The following DSCAML1 variants were observed in gnomAD, a reference collection of about 807,000 sequenced individuals.
DSCAML1 encodes the protein cell adhesion molecule DSCAML1.
DSCAML1 carries 38 observed loss-of-function variants against 200.5 expected under a neutral mutation model. The observed-to-expected ratio is 0.19, with a 90% CI of 0.15 to 0.25. DSCAML1 has a LOEUF of 0.25. Ranked by LOEUF, DSCAML1 falls within the 10% of genes least tolerant of loss-of-function variation. DSCAML1 has a pLI of 1.00. For synonymous variants in DSCAML1, 1,215 were observed against 1,165.0 expected (o/e 1.04, Z -0.87); for missense variants, 2,223 against 2,858.8 (o/e 0.78, Z 5.07).
intron 3 of DSCAML1, among the ~76,000 whole-genome samples, chr11:117,726,360 A>G (rs2054131149): frequency 6.6e-6 from 1 of 151,936 alleles, no homozygotes. Context: ...GGGGGAAGGG[A>G]GAGGAGGGAC....
intron 4 of DSCAML1, among the ~76,000 whole-genome samples, chr11:117,531,169 CTG>C (rs942931184): frequency 6.6e-6 from 1 of 152,184 alleles, no homozygotes; most frequent in African/African-American, 2.4e-5. Context: ...GAGCGCCTCT[CTG>C]TGACCTCAGC....
intron 3 of DSCAML1, among the ~76,000 whole-genome samples, chr11:117,626,144 C>A (rs1161904493): frequency 6.6e-6 from 1 of 151,970 alleles, no homozygotes; most frequent in Admixed American, 6.6e-5. Flanking sequence ...GAGCTCCAGG[C>A]CAGAGATTAA....
chr11:117,430,010 C>T (rs1004316521), intron 32 of DSCAML1, among the ~76,000 whole-genome samples: 6 of 152,204 alleles, frequency 3.9e-5, no homozygotes, highest in African/African-American at 1.2e-4. Flanking sequence ...ACCCAGAAAG[C>T]CCCGCCCCCT....
At chr11:117,587,124 G>GC (rs34679147) in intron 3 of DSCAML1, among the ~76,000 whole-genome samples, 41,763 of 151,876 alleles carry the variant, frequency 0.27, 6,075 homozygotes, top group South Asian at 0.46. Context: ...TATTGCTGCT[G>GC]CCCCCTCAGA....
intron 3 of DSCAML1, among the ~76,000 whole-genome samples, chr11:117,580,777 T>A (rs2137459974): frequency 6.6e-6 from 1 of 152,346 alleles, no homozygotes; most frequent in African/African-American, 2.4e-5. Context: ...CTGTGTGGAT[T>A]AATTAGTGTT....
intron 3 of DSCAML1, among the ~76,000 whole-genome samples, chr11:117,743,622 G>A (rs1012352387): frequency 9.2e-5 from 14 of 152,178 alleles, no homozygotes; most frequent in Non-Finnish European, 1.6e-4. Flanking sequence ...CAGGGCAGCA[G>A]GTCCTCCCCA....
rs1248708939 is a variant in DSCAML1, at chr11:117,520,984, G to A, written c.1213+146C>T. On this transcript the variant is annotated intron_variant, in intron 6 of 32. Transcript: ENST00000651296. ...AATATAAAAAAGGGCTTCCACACAG[G>A]GCCCTTAGGGTGAGATGGTGCACCG... 4 of 1,065,678 alleles carry A rather than the reference G, an allele frequency of 3.8e-6. No homozygotes were observed. The African/African-American group carries it at 4.7e-5, about 13-fold the overall frequency. The allele number at this position is 1,065,678 out of a possible 1,614,324, so 66.0% of individuals were successfully genotyped here.
rs777506760 is a variant in DSCAML1 at position 117,438,987 on chromosome 11, T to G, written c.4145-4A>C. ...AGGCGGGGCTGGTCCGGGGGAACTG[T>G]GAGGGGAAAGCCACCACCCCTTAGC... On this transcript the variant is annotated splice_polypyrimidine_tract_variant and splice_region_variant and intron_variant, in intron 23 of 32. Transcript: ENST00000651296. 6.3e-7 allele frequency: 1 copy of G among 1,599,734 alleles called. No homozygotes were observed. Among genetic ancestry groups the G allele is most frequent in the Non-Finnish European group, 8.5e-7 (1 of 1,174,826 alleles).
At chr11:117,686,037 G>A (rs575751959) in intron 3 of DSCAML1, among the ~76,000 whole-genome samples, 1 of 152,286 alleles carries the variant, frequency 6.6e-6, no homozygotes, top group Admixed American at 6.5e-5. Flanking sequence ...GCCAGTAAAT[G>A]TTGGGACAAG....
intron 3 of DSCAML1, among the ~76,000 whole-genome samples, chr11:117,687,544 G>A (rs2053424528): frequency 6.6e-6 from 1 of 151,528 alleles, no homozygotes; most frequent in Non-Finnish European, 1.5e-5. Context: ...GGGATTACAG[G>A]TGTGAGCCAC....
intron 3 of DSCAML1, among the ~76,000 whole-genome samples, chr11:117,716,259 T>C (rs975943930): frequency 6.6e-6 from 1 of 152,182 alleles, no homozygotes; most frequent in African/African-American, 2.4e-5. Context: ...ATGGCCGGGG[T>C]TCTGGTCCCA....
chr11:117,532,597 C>T (rs1754987498), intron 3 of DSCAML1, 75 bp from the exon 4 acceptor site: 2 of 1,427,926 alleles, frequency 1.4e-6, no homozygotes, highest in Non-Finnish European at 1.9e-6. Flanking sequence ...GCGTCTCTGA[C>T]AGATGAGGAT....
At chr11:117,542,327 C>A (rs533331) in intron 3 of DSCAML1, among the ~76,000 whole-genome samples, 39,220 of 128,206 alleles carry the variant, frequency 0.31, 5,579 homozygotes, top group East Asian at 0.42. Context: ...CAAAACAAAA[C>A]ACAAAAACAA....
At chr11:117,744,780 G>A (rs1456227166) in intron 3 of DSCAML1, among the ~76,000 whole-genome samples, 1 of 152,236 alleles carries the variant, frequency 6.6e-6, no homozygotes, top group African/African-American at 2.4e-5. Context: ...TAGACCTGGA[G>A]ACCCACGGGA....
At chr11:117,472,762 T>G (rs2048710694) in intron 14 of DSCAML1, among the ~76,000 whole-genome samples, 1 of 152,200 alleles carries the variant, frequency 6.6e-6, no homozygotes, top group Admixed American at 6.5e-5. Context: ...TAAATACCAT[T>G]CAGGTGTGAC....
At chr11:117,687,286 G>T (rs1179088907) in intron 3 of DSCAML1, among the ~76,000 whole-genome samples, 1 of 152,068 alleles carries the variant, frequency 6.6e-6, no homozygotes, top group Non-Finnish European at 1.5e-5. Flanking sequence ...TTAGAGACAA[G>T]ATCTCGCTCT....
chr11:117,457,517 C>G (rs1365991187), intron 19 of DSCAML1, among the ~76,000 whole-genome samples: 1 of 152,246 alleles, frequency 6.6e-6, no homozygotes, highest in Non-Finnish European at 1.5e-5. Flanking sequence ...ACAGTCTCCA[C>G]GCTGGAGCAG....
At chr11:117,810,074 C>G (rs559649300) in intron 1 of DSCAML1, among the ~76,000 whole-genome samples, 1 of 152,202 alleles carries the variant, frequency 6.6e-6, no homozygotes, top group Non-Finnish European at 1.5e-5. Flanking sequence ...CACTCACTTA[C>G]ACATTCGCAC....
Position 117,516,825 on chromosome 11 carries a change from C to T in DSCAML1, c.1511-86G>A. The T allele has an allele frequency of 4.0e-6, 6 of 1,502,962 alleles. No individual in the cohort carries two copies. The highest frequency in any genetic ancestry group is 1.3e-5 in the South Asian group (1 of 76,186). 93.1% of individuals were successfully genotyped at this position (1,502,962 alleles called of 1,614,324 possible). ...GACAGCCAGGCACCACCCTGCGGTG[C>T]TCTTCTCAGGCACTCGGCCCCTGAG... is the stretch of plus-strand genomic sequence containing the variant. On this transcript the variant is annotated intron_variant, in intron 7 of 32. Transcript: ENST00000651296. This position sits in a 1 kb window ranked among gnomAD's most constrained non-coding sequence, Gnocchi z 5.7.
Sources: allele counts gnomAD v4.1 joint callset (sites outside exome capture counted in the v4.1 genomes callset), GRCh38; gene constraint gnomAD v4.1.1; non-coding constraint Gnocchi (gnomAD v3.1); transcripts MANE v1.5; gene names NCBI Gene and HGNC (gene_info 2026-07-23, HGNC 2026-07-21).